CNDP2: variants seen among roughly 807,000 people sequenced by gnomAD.
CNDP2 encodes the protein carnosine dipeptidase 2.
In CNDP2, 38 loss-of-function variants were observed where a neutral mutation model predicts 55.0. The ratio of observed to expected loss-of-function variants is 0.69; its 90% CI spans 0.53 to 0.90. The LOEUF (loss-of-function observed/expected upper bound fraction) is 0.90. Among genes scored for constraint, CNDP2 ranks in the 40% least tolerant of loss-of-function variants. CNDP2 has a pLI of 0.00. For synonymous variants in CNDP2, 241 were observed against 260.2 expected, an observed-to-expected ratio of 0.93 and a Z score of 0.71; for missense variants, 607 against 621.7, an observed-to-expected ratio of 0.98 and a Z score of 0.25.
intron 6 of CNDP2, 55 bp downstream of exon 6, chr18:74,511,068 C>T: frequency 1.4e-6 from 2 of 1,464,276 alleles, no homozygotes; most frequent in South Asian, 1.2e-5. Context: ...TCTCCCGGTT[C>T]TCCCAAACGC....
Position 74,510,969 on chromosome 18 carries a change from T to A in CNDP2, c.613T>A (p.Cys205Ser). Residue 205 changes from cysteine (C) to serine (S), a missense_variant, in exon 6 of 12, where the codon TGC becomes AGC. Cys to Ser is a moderately radical substitution (Grantham distance 112). Coordinates refer to ENST00000324262, the MANE Select transcript of CNDP2 (RefSeq NM_018235.3). ...DNYWLGKKKP[C>S]ITYGLRGICY... The stretch of plus-strand genomic sequence containing the variant: ...TTACTGGCTGGGAAAGAAGAAGCCC[T>A]GCATCACCTACGGCCTCAGGGGCAT... 1 of 1,614,246 alleles carries A rather than the reference T, an allele frequency of 6.2e-7. No individual in the cohort carries two copies. Among genetic ancestry groups the A allele is most frequent in the Non-Finnish European group, 8.5e-7 (1 of 1,180,044 alleles).
Sources: allele counts gnomAD v4.1 joint callset, GRCh38; gene constraint gnomAD v4.1.1; transcripts MANE v1.5; gene names NCBI Gene and HGNC (gene_info 2026-07-23, HGNC 2026-07-21).